The following ZDHHC21 variants were observed in gnomAD, a reference collection of about 807,000 sequenced individuals.
The protein encoded by ZDHHC21 is zDHHC palmitoyltransferase 21.
A neutral mutation model predicts 34.6 loss-of-function variants in ZDHHC21; 15 were observed. That is an observed-to-expected ratio of 0.43 (90% confidence interval 0.29 to 0.67). The LOEUF (loss-of-function observed/expected upper bound fraction) is 0.67, where lower values mean the gene tolerates loss of function less well. ZDHHC21 is among the 30% of genes least tolerant of loss of function. The pLI is 0.14. For synonymous variants in ZDHHC21, 142 were observed against 101.8 expected (o/e 1.40, Z -2.38); for missense variants, 344 against 327.7 (o/e 1.05, Z -0.38).
At chr9:14,671,211 T>G (rs903010633) in intron 5 of ZDHHC21, among the ~76,000 whole-genome samples, 2 of 152,046 alleles carry the variant, frequency 1.3e-5, no homozygotes, top group Non-Finnish European at 2.9e-5. Context: ...CTGTGAATGC[T>G]TGAATGAATA....
chr9:14,629,541 T>C (rs188864871), intron 8 of ZDHHC21, among the ~76,000 whole-genome samples: 121 of 152,324 alleles, frequency 7.9e-4, no homozygotes, highest in African/African-American at 2.6e-3. Context: ...ATAAATGTTA[T>C]GTTTATGCTA....
At chr9:14,684,773 G>A (rs1315759004) in intron 2 of ZDHHC21, among the ~76,000 whole-genome samples, 1 of 152,072 alleles carries the variant, frequency 6.6e-6, no homozygotes, top group Non-Finnish European at 1.5e-5. Flanking sequence ...AAACAAAGCT[G>A]GAGGCATCAC....
At position 14,613,820 on chromosome 9, in the gene ZDHHC21, G is replaced by A. The variant is rs147028294; in HGVS notation, c.*5146C>T. The A allele has an allele frequency of 1.4e-3, 217 of 151,708 alleles. 1 individual carries two copies. The highest frequency in any genetic ancestry group is 4.9e-3 in the African/African-American group (203 of 41,490). The allele number at this position is 151,708 out of a possible 1,614,324, so 9.4% of individuals were successfully genotyped here. A position where few individuals can be genotyped will look rare whatever the true frequency, so the allele number is the denominator to read the frequency against. ...TTTGCAATAAGAGATTTCCAGAAAA[G>A]GTGCCAGTTTTTTCAAACTTTGGTC... On this transcript the variant is annotated 3_prime_UTR_variant, in exon 10 of 10. Transcript: ENST00000380916.
the ZDHHC21 span, among the ~76,000 whole-genome samples, chr9:14,590,283 G>A: frequency 2.1e-3 from 318 of 152,120 alleles, 7 homozygotes; most frequent in Non-Finnish European, 5.9e-4. Flanking sequence ...AATATGAACT[G>A]AGTCTTAGTA....
chr9:14,644,926 C>A (rs1042162900), intron 7 of ZDHHC21, among the ~76,000 whole-genome samples: 1 of 151,720 alleles, frequency 6.6e-6, no homozygotes, highest in Non-Finnish European at 1.5e-5. Flanking sequence ...CAAAGAATAC[C>A]ATGAGGCTCA....
chr9:14,595,318 T>C, the ZDHHC21 span, among the ~76,000 whole-genome samples: 1 of 152,186 alleles, frequency 6.6e-6, no homozygotes, highest in Non-Finnish European at 1.5e-5. Flanking sequence ...GACAGAGTTC[T>C]GTTCAACAAT....
chr9:14,679,069 G>C (rs1295418601), intron 3 of ZDHHC21, among the ~76,000 whole-genome samples: 2 of 152,106 alleles, frequency 1.3e-5, no homozygotes, highest in Non-Finnish European at 2.9e-5. Flanking sequence ...AATGGAGTCT[G>C]AGTTACAAAG....
chr9:14,605,579 T>G, the ZDHHC21 span, among the ~76,000 whole-genome samples: 5 of 152,184 alleles, frequency 3.3e-5, no homozygotes, highest in Non-Finnish European at 7.4e-5. Context: ...TCGTTTTGTA[T>G]TTTGATTAAC....
chr9:14,589,249 C>G, the ZDHHC21 span: 1 of 152,098 alleles, frequency 6.6e-6, no homozygotes, highest in Non-Finnish European at 1.5e-5. Flanking sequence ...AACTGCATTA[C>G]TGTTTGAAAA....
the ZDHHC21 span, among the ~76,000 whole-genome samples, chr9:14,596,365 T>C: frequency 5.3e-5 from 8 of 152,196 alleles, no homozygotes; most frequent in African/African-American, 1.4e-4. Context: ...AGGTTGTTGG[T>C]ATGAAGAGGT....
intron 5 of ZDHHC21, among the ~76,000 whole-genome samples, chr9:14,668,158 G>C (rs1834823676): frequency 8.7e-6 from 1 of 114,404 alleles, no homozygotes; most frequent in Admixed American, 9.5e-5. Context: ...CAAAGTCTCA[G>C]GATACAAAAT....
At chr9:14,599,415 C>G in the ZDHHC21 span, among the ~76,000 whole-genome samples, 1 of 152,092 alleles carries the variant, frequency 6.6e-6, no homozygotes, top group Non-Finnish European at 1.5e-5. Context: ...GCTATCCAGC[C>G]CAGACATTAC....
At chr9:14,662,448 C>G (rs764348811) in intron 5 of ZDHHC21, 122 bp from the exon 6 acceptor site, 6 of 679,804 alleles carry the variant, frequency 8.8e-6, no homozygotes, top group Non-Finnish European at 1.4e-5. Context: ...GATTTTTCTT[C>G]TAAGCCTTTG....
intron 3 of ZDHHC21, among the ~76,000 whole-genome samples, chr9:14,676,278 A>C (rs1836360247): frequency 6.6e-6 from 1 of 151,998 alleles, no homozygotes. Flanking sequence ...GGAAAGTGTC[A>C]AGGGTGATTC....
chr9:14,627,558 A>T (rs2133536724), intron 8 of ZDHHC21, among the ~76,000 whole-genome samples: 1 of 152,200 alleles, frequency 6.6e-6, no homozygotes, highest in South Asian at 2.1e-4. Flanking sequence ...CCCCAACCTC[A>T]CCACAACTGA....
At chr9:14,693,149 G>C (rs1281763601) in intron 1 of ZDHHC21, 80 bp downstream of exon 1, 1 of 236,018 alleles carries the variant, frequency 4.2e-6, no homozygotes, top group East Asian at 1.8e-4. Flanking sequence ...AGAGCGGAGC[G>C]GGGGCCGGGG....
chr9:14,602,592 G>C, the ZDHHC21 span, among the ~76,000 whole-genome samples: 3 of 152,050 alleles, frequency 2.0e-5, no homozygotes, highest in South Asian at 2.1e-4. Context: ...AGCAGCAAGA[G>C]AAGAGCATCA....
intron 4 of ZDHHC21, among the ~76,000 whole-genome samples, chr9:14,673,529 T>TAA (rs535538350): frequency 7.1e-6 from 1 of 141,464 alleles, no homozygotes. Flanking sequence ...GTTGGGGCGA[T>TAA]AAAAAAAAAA....
chr9:14,629,326 A>G (rs1245912017), intron 8 of ZDHHC21, among the ~76,000 whole-genome samples: 1 of 152,216 alleles, frequency 6.6e-6, no homozygotes, highest in Non-Finnish European at 1.5e-5. Flanking sequence ...AATAAAATGT[A>G]ACGTTCAATA....
Sources: allele counts gnomAD v4.1 joint callset (sites outside exome capture counted in the v4.1 genomes callset), GRCh38; gene constraint gnomAD v4.1.1; transcripts MANE v1.5; gene names NCBI Gene and HGNC (gene_info 2026-07-23, HGNC 2026-07-21).